EXOSC10: variants seen among roughly 807,000 people sequenced by gnomAD.
EXOSC10 encodes the protein exosome complex component 10.
Under a neutral mutation model 126.6 loss-of-function variants are expected in EXOSC10, and 94 were observed. That is an observed-to-expected ratio of 0.74 (90% CI 0.63 to 0.88). EXOSC10 has a LOEUF of 0.88. Ranked by LOEUF, EXOSC10 falls within the 40% of genes least tolerant of loss-of-function variation. The pLI is 0.00. For synonymous variants in EXOSC10, 395 were observed against 400.8 expected (o/e 0.99, Z 0.17); for missense variants, 1,041 against 1,100.5 (o/e 0.95, Z 0.77).
Position 11,087,818 on chromosome 1 carries a change from T to A in EXOSC10, c.927A>T (p.Glu309Asp), listed in dbSNP as rs764810446. Residue 309 changes from glutamate (E) to aspartate (D), a missense_variant, in exon 8 of 25, where the codon GAA becomes GAT. By Grantham distance (45) the Glu-to-Asp change is conservative (BLOSUM62 2). Coordinates refer to ENST00000376936, the MANE Select transcript of EXOSC10 (RefSeq NM_001001998.3). The stretch of plus-strand genomic sequence containing the variant: ...AAGATACCTCCAAGTCAACTGCAAA[T>A]TCCTGACAATTCAAGAGCTTTTCGT... The part of the protein sequence containing the change: ...ELNEKLLNCQ[E>D]FAVDLEHHSY... 7.1e-5 allele frequency: 114 copies of A among 1,612,612 alleles called. No individual in the cohort carries two copies. Among genetic ancestry groups the A allele is most frequent in the Non-Finnish European group, 9.4e-5 (111 of 1,179,498 alleles).
At chr1:11,077,101 C>T (rs1039277694) in intron 16 of EXOSC10, 153 bp from the exon 17 acceptor site, 1 of 641,812 alleles carries the variant, frequency 1.6e-6, no homozygotes, top group African/African-American at 1.8e-5. Context: ...AAGTGATTCT[C>T]CTGCCTCTGC....
Position 11,091,038 on chromosome 1 carries a change from T to G in EXOSC10, c.619A>C (p.Asn207His). The G allele has an allele frequency of 6.2e-7, 1 of 1,614,162 alleles. No individual in the cohort carries two copies. The highest frequency in any genetic ancestry group is 8.5e-7 in the Non-Finnish European group (1 of 1,180,020). The part of the protein sequence containing the change: ...PFLPKIFIKP[N>H]AQKPLPQALS... ...CCTTGAGGGAGAGGTTTCTGAGCAT[T>G]GGGTTTGATGAAGATTTTAGGAAGA... is the stretch of plus-strand genomic sequence containing the variant. The change falls in exon 5 of 25, where the codon AAT (asparagine) becomes CAT (histidine). Residue 207 changes from asparagine to histidine, a missense_variant. Asn to His is a moderately conservative substitution (Grantham distance 68). Around this residue, in one of 3 missense-constraint regions of EXOSC10, gnomAD observed 645 missense variants for 656.3 expected, o/e 0.98. Coordinates refer to ENST00000376936, the MANE Select transcript of EXOSC10 (RefSeq NM_001001998.3).
At chr1:11,067,391 C>T (rs1639161775) in intron 24 of EXOSC10, among the ~76,000 whole-genome samples, 2 of 150,772 alleles carry the variant, frequency 1.3e-5, no homozygotes, top group South Asian at 4.2e-4. Flanking sequence ...GAGATCGTGC[C>T]ACTGCACTCC....
chr1:11,091,072 G>A lies in EXOSC10; in HGVS notation c.585C>T (p.Asn195=), dbSNP rs780524489. The A allele has an allele frequency of 1.2e-6, 2 of 1,614,198 alleles. No homozygotes were observed. Among genetic ancestry groups the A allele is most frequent in the South Asian group, 1.1e-5 (1 of 91,090 alleles). The change falls in exon 5 of 25, where the codon AAC becomes AAT. Residue 195 remains asparagine (N), a synonymous_variant. Transcript: ENST00000376936. ...LKFREKIDNS[N]TPFLPKIFIK... is the part of the protein sequence containing the mutation. The stretch of plus-strand genomic sequence containing the variant: ...TGAAGATTTTAGGAAGAAATGGTGT[G>A]TTGGAATTGTCAATCTTCTCTCGAA...
At position 11,090,431 on chromosome 1, in the gene EXOSC10, T is replaced by C. The variant is rs934843464; in HGVS notation, c.758+123A>G. On this transcript the variant is annotated intron_variant, in intron 6 of 24. Transcript: ENST00000376936. ...GCAGGTTTTATTGCTAAGGCCCAGG[T>C]TGGGGTGTAAGGAGGAAATCACTAC... 17 of 791,888 alleles carry C rather than the reference T, an allele frequency of 2.1e-5. No homozygotes were observed. In the Admixed American group the frequency reaches 2.4e-4, roughly 11 times the overall value. 49.1% of individuals were successfully genotyped at this position (791,888 alleles called of 1,614,324 possible).
At position 11,085,786 on chromosome 1, in the gene EXOSC10, A is replaced by C. The variant is rs1339102016; in HGVS notation, c.1089+1662T>G. ...CATAGATAGCTCTTATTATTTTGAG[A>C]TACGTCCCATCAATACCTAATTTAT... On this transcript the variant is annotated intron_variant, in intron 9 of 24. Transcript: ENST00000376936. Among the ~76,000 whole-genome samples, 3 of 150,670 alleles carry C rather than the reference A, an allele frequency of 2.0e-5. No homozygotes were observed. In the East Asian group the frequency reaches 5.8e-4, roughly 29 times the overall value.
intron 6 of EXOSC10, among the ~76,000 whole-genome samples, chr1:11,089,930 C>T (rs995118384): frequency 1.3e-5 from 2 of 151,868 alleles, no homozygotes; most frequent in Non-Finnish European, 2.9e-5. Context: ...GGCGACAGAG[C>T]AAGACCCTGT....
chr1:11,075,731 G>A (rs1025473957), intron 17 of EXOSC10, among the ~76,000 whole-genome samples: 9 of 151,938 alleles, frequency 5.9e-5, no homozygotes, highest in African/African-American at 2.2e-4. Flanking sequence ...TACACCTGTA[G>A]TCCCAGCTAC....
chr1:11,093,130 G>C (rs1363757954), intron 3 of EXOSC10, among the ~76,000 whole-genome samples: 1 of 152,102 alleles, frequency 6.6e-6, no homozygotes. Flanking sequence ...AGTATGTCAT[G>C]CCAAGTAATT....
At chr1:11,096,938 G>C (rs1194047798) in intron 2 of EXOSC10, among the ~76,000 whole-genome samples, 2 of 151,870 alleles carry the variant, frequency 1.3e-5, no homozygotes, top group African/African-American at 4.8e-5. Context: ...AACTGGCTAG[G>C]CGCAGTGGCT....
intron 24 of EXOSC10, among the ~76,000 whole-genome samples, chr1:11,067,586 A>T (rs1000698703): frequency 1.3e-5 from 2 of 152,206 alleles, no homozygotes; most frequent in African/African-American, 4.8e-5. Context: ...CCTGGGTGAC[A>T]GAATGAGACT....
At chr1:11,095,990 T>G in intron 2 of EXOSC10, 109 bp from the exon 3 acceptor site, 1 of 780,880 alleles carries the variant, frequency 1.3e-6, no homozygotes, top group Non-Finnish European at 1.8e-6. Context: ...CAACACATCT[T>G]TTTTTTTTTT....
intron 23 of EXOSC10, 150 bp downstream of exon 23, chr1:11,068,495 G>C (rs973709066): frequency 9.0e-6 from 6 of 666,770 alleles, no homozygotes; most frequent in African/African-American, 3.6e-5. Flanking sequence ...TGGGGTAGCT[G>C]ATCAGTACTG....
At chr1:11,085,528 A>G (rs1317106016) in intron 9 of EXOSC10, among the ~76,000 whole-genome samples, 4 of 152,234 alleles carry the variant, frequency 2.6e-5, no homozygotes, top group South Asian at 2.1e-4. Context: ...GGGCTGAGAC[A>G]ATGGGGTTTT....
chr1:11,087,862 C>G lies in EXOSC10; in HGVS notation c.883G>C (p.Asp295His). 1 of 1,613,830 alleles carries G rather than the reference C, an allele frequency of 6.2e-7. No individual in the cohort carries two copies. Among genetic ancestry groups the G allele is most frequent in the Non-Finnish European group, 8.5e-7 (1 of 1,179,898 alleles). Residue 295 changes from aspartate (D) to histidine (H), a missense_variant, in exon 8 of 25, where the codon GAT becomes CAT. Asp to His is a moderately conservative substitution (Grantham distance 81, BLOSUM62 -1). Transcript: ENST00000376936. ...TTTTCGTTGAGTTCCACGAGTTCATCCAGGGAGGATATGAAATGGCATGGT... is the reference window on the plus strand; with the variant it reads ...TTTTCGTTGAGTTCCACGAGTTCATGCAGGGAGGATATGAAATGGCATGGT... ...ETPCHFISSL[D>H]ELVELNEKLL...
chr1:11,082,596 G>T, intron 10 of EXOSC10, 92 bp downstream of exon 10: 3 of 1,566,400 alleles, frequency 1.9e-6, no homozygotes, highest in Non-Finnish European at 2.6e-6. Flanking sequence ...AATGAGCGTG[G>T]TAGGGCTCAA....
chr1:11,067,594 ACT>A (rs1639181039), intron 24 of EXOSC10, among the ~76,000 whole-genome samples: 1 of 152,084 alleles, frequency 6.6e-6, no homozygotes, highest in South Asian at 2.1e-4. Flanking sequence ...ACAGAATGAG[ACT>A]CTCACAAAAC....
At chr1:11,087,280 C>T (rs1169167601) in intron 9 of EXOSC10, among the ~76,000 whole-genome samples, 168 bp downstream of exon 9, 1 of 152,150 alleles carries the variant, frequency 6.6e-6, no homozygotes, top group African/African-American at 2.4e-5. Flanking sequence ...CTTAGCTGTT[C>T]TAACAGGGAT....
intron 3 of EXOSC10, among the ~76,000 whole-genome samples, chr1:11,092,320 T>C (rs1640850959): frequency 1.3e-5 from 2 of 152,164 alleles, no homozygotes; most frequent in African/African-American, 4.8e-5. Flanking sequence ...GTTCAAGCGA[T>C]TCTCCTGCCT....
Sources: gnomAD v4.1 joint callset for allele counts (sites outside exome capture counted in the v4.1 genomes callset) on GRCh38, gnomAD v4.1.1 for gene constraint, gnomAD v4.1.1 regional missense constraint, MANE v1.5 for transcripts, NCBI Gene and HGNC (gene_info 2026-07-23, HGNC 2026-07-21) for gene names.